The following DCTN4 variants were observed in gnomAD, a reference collection of about 807,000 sequenced individuals.
The protein encoded by DCTN4 is dynactin subunit 4, also known as dynactin 4 (p62).
A neutral mutation model predicts 62.7 loss-of-function variants in DCTN4; 23 were observed. The observed-to-expected ratio is 0.37, with a 90% CI of 0.26 to 0.52. The LOEUF is 0.52. Among genes scored for constraint, DCTN4 ranks in the 20% least tolerant of loss-of-function variants. DCTN4 has a pLI of 0.92. For missense variants in DCTN4, 514 were observed against 580.4 expected, an observed-to-expected ratio of 0.89 and a Z score of 1.18; for synonymous variants, 199 against 202.1, an observed-to-expected ratio of 0.98 and a Z score of 0.13.
At position 150,731,171 on chromosome 5, in the gene DCTN4, A is replaced by G. The variant is rs1760349897; in HGVS notation, c.612-15T>C. ...CTTCTTTAAGGCTGAAAAATTAAAA[A>G]AACAAAACAAAACAAAACAAAAGAG... On this transcript the variant is annotated splice_polypyrimidine_tract_variant and intron_variant, in intron 6 of 12. Transcript: ENST00000447998. 6.9e-7 allele frequency: 1 copy of G among 1,453,178 alleles called. No homozygotes were observed. Among genetic ancestry groups the G allele is most frequent in the Non-Finnish European group, 9.6e-7 (1 of 1,036,502 alleles). 90.0% of individuals were successfully genotyped at this position (1,453,178 alleles called of 1,614,324 possible).
Position 150,720,315 on chromosome 5 carries a change from C to G in DCTN4, c.909-545G>C, listed in dbSNP as rs374029370. Among the ~76,000 whole-genome samples, 15 of 152,180 alleles carry G rather than the reference C, an allele frequency of 9.9e-5. No individual in the cohort carries two copies. The East Asian group carries it at 2.1e-3, about 22-fold the overall frequency. On this transcript the variant is annotated intron_variant, in intron 9 of 12. Coordinates refer to ENST00000447998, the MANE Select transcript of DCTN4 (RefSeq NM_016221.4). The stretch of plus-strand genomic sequence containing the variant: ...ACGAGCTATTTTTCATGGTGACCAG[C>G]AGGATTACCTGAGTAACTTAACAGG...
chr5:150,758,801 T>A (rs929145086), intron 1 of DCTN4, 58 bp downstream of exon 1: 2 of 1,596,812 alleles, frequency 1.3e-6, no homozygotes, highest in Middle Eastern at 3.3e-4. Flanking sequence ...TGGCAGTGAC[T>A]AGCATGAACG....
chr5:150,714,233 T>C (rs1031853896), intron 12 of DCTN4, among the ~76,000 whole-genome samples: 1 of 152,164 alleles, frequency 6.6e-6, no homozygotes, highest in African/African-American at 2.4e-5. Context: ...TTGGACTGTA[T>C]CTGCTGGATC....
chr5:150,726,426 G>C (rs1220877416), intron 8 of DCTN4, among the ~76,000 whole-genome samples: 5 of 152,038 alleles, frequency 3.3e-5, no homozygotes, highest in Non-Finnish European at 7.4e-5. Context: ...AAACATATTA[G>C]TTTGTATAAA....
chr5:150,717,491 A>C (rs1561689056), intron 11 of DCTN4, among the ~76,000 whole-genome samples: 1 of 151,998 alleles, frequency 6.6e-6, no homozygotes, highest in Non-Finnish European at 1.5e-5. Context: ...TAGATGATCC[A>C]CTCACCTTGG....
intron 3 of DCTN4, among the ~76,000 whole-genome samples, chr5:150,750,281 C>T (rs1164618641): frequency 6.6e-6 from 1 of 152,066 alleles, no homozygotes; most frequent in Admixed American, 6.5e-5. Flanking sequence ...TAATGAGATA[C>T]CATTTCACAA....
At chr5:150,729,545 A>G (rs1760280535) in intron 8 of DCTN4, among the ~76,000 whole-genome samples, 2 of 152,270 alleles carry the variant, frequency 1.3e-5, no homozygotes, top group Non-Finnish European at 1.5e-5. Context: ...TGTATCTCCA[A>G]AAGATAAAGA....
intron 3 of DCTN4, chr5:150,742,831 A>T (rs545630035): frequency 6.5e-6 from 1 of 154,072 alleles, no homozygotes; most frequent in South Asian, 2.0e-4. Flanking sequence ...GAAAAGAGCA[A>T]GACTTAGGAG....
rs964622641 is a variant in DCTN4, at chr5:150,718,198, G to A, written c.1071+78C>T. On this transcript the variant is annotated intron_variant, in intron 11 of 12. Transcript: ENST00000447998. ...ACTAGATGTGGAAAGGAGAGTGTGT[G>A]GAGTCTTTTAAGCCAGGTCAAATGA... The A allele has an allele frequency of 4.4e-6, 4 of 902,992 alleles. No individual in the cohort carries two copies. The Admixed American group carries it at 8.8e-5, about 20-fold the overall frequency. The allele number at this position is 902,992 out of a possible 1,614,324, so 55.9% of individuals were successfully genotyped here. A position where few individuals can be genotyped will look rare whatever the true frequency, so the allele number is the denominator to read the frequency against.
At position 150,758,982 on chromosome 5, in the gene DCTN4, C is replaced by G. The variant is rs999483485; in HGVS notation, c.12G>C (p.Leu4Phe). MAS[L>F]LQSDRVLYLV... ...GATAGAGAACCCGGTCCGACTGCAG[C>G]AAGGACGCCATCTTGGGGAGGGAGG... The change falls in exon 1 of 13, where the codon TTG (leucine) becomes TTC (phenylalanine). Residue 4 changes from leucine to phenylalanine, a missense_variant. Coordinates refer to ENST00000447998, the MANE Select transcript of DCTN4 (RefSeq NM_016221.4). 5 of 1,613,956 alleles carry G rather than the reference C, an allele frequency of 3.1e-6. No individual in the cohort carries two copies. The African/African-American group carries it at 6.7e-5, about 22-fold the overall frequency.
intron 1 of DCTN4, chr5:150,758,402 C>G: frequency 3.0e-6 from 3 of 990,476 alleles, no homozygotes; most frequent in Non-Finnish European, 2.4e-6. Flanking sequence ...CAGGGCAAGG[C>G]AGTCTGACGA....
At chr5:150,722,830 C>T (rs946005709) in intron 9 of DCTN4, 77 bp downstream of exon 9, 14 of 1,060,340 alleles carry the variant, frequency 1.3e-5, no homozygotes, top group African/African-American at 6.5e-5. Context: ...AGAGTAAACA[C>T]ACTTCATACT....
intron 3 of DCTN4, among the ~76,000 whole-genome samples, chr5:150,751,903 A>G (rs1752689188): frequency 6.6e-6 from 1 of 152,162 alleles, no homozygotes; most frequent in Non-Finnish European, 1.5e-5. Context: ...ACCCATATTT[A>G]CTTCCAAATT....
chr5:150,740,852 G>A (rs1760742430), intron 4 of DCTN4, among the ~76,000 whole-genome samples: 1 of 152,126 alleles, frequency 6.6e-6, no homozygotes, highest in African/African-American at 2.4e-5. Flanking sequence ...TAAGCTATGA[G>A]GATGCAAAGG....
chr5:150,722,904 T>C lies in DCTN4; in HGVS notation c.908+3A>G, dbSNP rs769747601. 4 of 1,610,934 alleles carry C rather than the reference T, an allele frequency of 2.5e-6. No homozygotes were observed. Among genetic ancestry groups the C allele is most frequent in the Non-Finnish European group, 3.4e-6 (4 of 1,178,208 alleles). On this transcript the variant is annotated splice_donor_region_variant and intron_variant, in intron 9 of 12. Coordinates refer to ENST00000447998, the MANE Select transcript of DCTN4 (RefSeq NM_016221.4). Reference sequence around the variant, plus strand: ...CTGAAAACACCAATCCCAAAATACTTACACAGCGACCAGCTGGATTTTGAA... The same window carrying C: ...CTGAAAACACCAATCCCAAAATACTCACACAGCGACCAGCTGGATTTTGAA...
intron 11 of DCTN4, 111 bp from the exon 12 acceptor site, chr5:150,715,773 A>C (rs774935292): frequency 6.3e-6 from 5 of 789,186 alleles, no homozygotes; most frequent in South Asian, 1.6e-5. Context: ...TTCAGGAAAC[A>C]TATACTACTT....
At chr5:150,722,298 A>AT (rs1386857072) in intron 9 of DCTN4, among the ~76,000 whole-genome samples, 1 of 152,228 alleles carries the variant, frequency 6.6e-6, no homozygotes, top group Non-Finnish European at 1.5e-5. Context: ...AATTTAAAAA[A>AT]TTTATGTATT....
chr5:150,723,660 A>G (rs1760032862), intron 8 of DCTN4, among the ~76,000 whole-genome samples: 1 of 152,202 alleles, frequency 6.6e-6, no homozygotes, highest in Admixed American at 6.5e-5. Flanking sequence ...TACTTTCTTA[A>G]ATACATACTA....
intron 8 of DCTN4, among the ~76,000 whole-genome samples, chr5:150,725,221 T>G (rs1329801396): frequency 6.6e-6 from 1 of 151,112 alleles, no homozygotes; most frequent in Non-Finnish European, 1.5e-5. Flanking sequence ...TTTATAGTAC[T>G]CATTCTGCGG....
Sources: allele counts gnomAD v4.1 joint callset (sites outside exome capture counted in the v4.1 genomes callset), GRCh38; gene constraint gnomAD v4.1.1; transcripts MANE v1.5; gene names NCBI Gene and HGNC (gene_info 2026-07-23, HGNC 2026-07-21).